Variants in PEX7 observed in about 807,000 individuals in gnomAD.
PEX7 encodes PTS2 receptor.
PEX7 carries 34 observed loss-of-function variants against 47.5 expected under a neutral mutation model. The ratio of observed to expected loss-of-function variants is 0.72; its 90% CI spans 0.54 to 0.95. PEX7 has a LOEUF of 0.95. Among genes scored for constraint, PEX7 ranks in the 40% least tolerant of loss-of-function variants. The pLI is 0.00. For synonymous variants in PEX7, 141 were observed against 148.8 expected (o/e 0.95, Z 0.38); for missense variants, 394 against 400.3 (o/e 0.98, Z 0.13).
intron 8 of PEX7, among the ~76,000 whole-genome samples, chr6:136,896,197 G>A (rs1326863938): frequency 2.0e-5 from 3 of 152,100 alleles, no homozygotes; most frequent in African/African-American, 4.8e-5. Flanking sequence ...ATAAATTCTC[G>A]TTGTTTTGTA....
intron 3 of PEX7, among the ~76,000 whole-genome samples, chr6:136,835,285 T>A (rs569880321): frequency 4.3e-4 from 64 of 150,576 alleles, no homozygotes; most frequent in Admixed American, 1.5e-3. Context: ...CTTACAAAAA[T>A]TTTTTTTTCT....
At chr6:136,883,235 T>C (rs1775407099) in intron 8 of PEX7, among the ~76,000 whole-genome samples, 1 of 152,200 alleles carries the variant, frequency 6.6e-6, no homozygotes, top group Non-Finnish European at 1.5e-5. Context: ...TTAATTATTT[T>C]AAGTTTAATT....
At chr6:136,826,274 A>C in intron 2 of PEX7, 45 bp from the exon 3 acceptor site, 2 of 1,601,062 alleles carry the variant, frequency 1.2e-6, no homozygotes, top group Non-Finnish European at 1.7e-6. Context: ...GTAGCTGCCT[A>C]TGTAAGTGTT....
At chr6:136,879,714 T>C (rs970272092) in intron 8 of PEX7, among the ~76,000 whole-genome samples, 8 of 152,180 alleles carry the variant, frequency 5.3e-5, no homozygotes, top group Non-Finnish European at 1.2e-4. Flanking sequence ...CTTAATTGTT[T>C]TATTTTCTGT....
intron 5 of PEX7, among the ~76,000 whole-genome samples, chr6:136,863,545 G>A (rs1219757214): frequency 6.6e-6 from 1 of 152,002 alleles, no homozygotes; most frequent in African/African-American, 2.4e-5. Flanking sequence ...TGACTGTTGT[G>A]GCCTCTGGGC....
rs1775741349 is a variant in PEX7, at chr6:136,900,823, G to T, written c.903+2582G>T. The T allele has an allele frequency of 3.0e-6, 1 of 328,940 alleles. No homozygotes were observed. The highest frequency in any genetic ancestry group is 9.3e-5 in the East Asian group (1 of 10,782). 20.4% of individuals were successfully genotyped at this position (328,940 alleles called of 1,614,324 possible). ...GCCAACAGCTTTCTTCTCAGCCTGG[G>T]CCAAGTCTCTGCCTCTTCTCTTGCT... On this transcript the variant is annotated intron_variant, in intron 9 of 9. Transcript: ENST00000318471. The surrounding 1 kb of genome is among the most constrained non-coding windows in gnomAD (Gnocchi z 4.2).
intron 5 of PEX7, among the ~76,000 whole-genome samples, chr6:136,861,763 CTG>C (rs1260628459): frequency 6.6e-6 from 1 of 151,398 alleles, no homozygotes; most frequent in African/African-American, 2.4e-5. Context: ...AGGACACATT[CTG>C]TTTCTCATCT....
At chr6:136,910,999 G>T (rs2115296068) in intron 9 of PEX7, among the ~76,000 whole-genome samples, 1 of 152,004 alleles carries the variant, frequency 6.6e-6, no homozygotes, top group South Asian at 2.1e-4. Context: ...CTATTTTTAG[G>T]TATAATTCAC....
chr6:136,853,643 C>A (rs1035171700), intron 5 of PEX7, among the ~76,000 whole-genome samples: 1 of 152,044 alleles, frequency 6.6e-6, no homozygotes, highest in African/African-American at 2.4e-5. Context: ...TGAAAATACT[C>A]AGAAATGGAA....
At chr6:136,865,816 G>A (rs915634957) in intron 5 of PEX7, among the ~76,000 whole-genome samples, 21 of 151,924 alleles carry the variant, frequency 1.4e-4, no homozygotes, top group Admixed American at 2.0e-4. Flanking sequence ...CGGGCGCTGC[G>A]GCTCATGCCT....
At chr6:136,871,407 G>A (rs1256921141) in intron 7 of PEX7, among the ~76,000 whole-genome samples, 1 of 152,030 alleles carries the variant, frequency 6.6e-6, no homozygotes, top group Non-Finnish European at 1.5e-5. Flanking sequence ...TAACTTAAGG[G>A]TGTTTTTATT....
intron 8 of PEX7, among the ~76,000 whole-genome samples, chr6:136,896,633 A>G: frequency 6.6e-6 from 1 of 152,166 alleles, no homozygotes; most frequent in African/African-American, 2.4e-5. Flanking sequence ...ATAGAACTTC[A>G]TGGAATGTAC....
At chr6:136,902,538 C>G (rs1300386705) in intron 9 of PEX7, among the ~76,000 whole-genome samples, 18 of 152,050 alleles carry the variant, frequency 1.2e-4, no homozygotes, top group Admixed American at 1.2e-3. Context: ...TGCTCTATGC[C>G]CTCTCTTGTT....
intron 5 of PEX7, among the ~76,000 whole-genome samples, chr6:136,855,085 C>CAA (rs747644035): frequency 3.2e-5 from 4 of 125,508 alleles, no homozygotes; most frequent in Non-Finnish European, 5.1e-5. Context: ...AAGACTGTCT[C>CAA]AAAAAAAAAA....
At chr6:136,833,120 A>C (rs1774323788) in intron 3 of PEX7, among the ~76,000 whole-genome samples, 1 of 152,218 alleles carries the variant, frequency 6.6e-6, no homozygotes, top group African/African-American at 2.4e-5. Flanking sequence ...GAGGCTGGGT[A>C]ATTTATAAAG....
intron 1 of PEX7, chr6:136,823,294 C>G: frequency 1.0e-6 from 1 of 985,422 alleles, no homozygotes; most frequent in Non-Finnish European, 1.2e-6. Context: ...TGAATGGACG[C>G]CTGGAGTCCC....
At chr6:136,842,472 C>T (rs1229586357) in intron 3 of PEX7, among the ~76,000 whole-genome samples, 1 of 152,202 alleles carries the variant, frequency 6.6e-6, no homozygotes, top group Non-Finnish European at 1.5e-5. Flanking sequence ...AGGCTGGATT[C>T]TCTTGAGCCG....
intron 8 of PEX7, among the ~76,000 whole-genome samples, chr6:136,878,763 T>G (rs1775322879): frequency 6.6e-6 from 1 of 152,240 alleles, no homozygotes; most frequent in South Asian, 2.1e-4. Context: ...TTCATATTTC[T>G]TGATAAAAAT....
intron 3 of PEX7, among the ~76,000 whole-genome samples, chr6:136,844,019 G>A (rs1421173476): frequency 1.3e-5 from 2 of 152,070 alleles, no homozygotes; most frequent in Admixed American, 1.3e-4. Context: ...TTTTTTTGAA[G>A]CTTAATATTA....
Sources: allele counts gnomAD v4.1 joint callset (sites outside exome capture counted in the v4.1 genomes callset), GRCh38; gene constraint gnomAD v4.1.1; non-coding constraint Gnocchi (gnomAD v3.1); transcripts MANE v1.5; gene names NCBI Gene and HGNC (gene_info 2026-07-23, HGNC 2026-07-21).